Variants in MAD1L1 observed in about 807,000 individuals in gnomAD.
MAD1L1 encodes the protein mitotic spindle assembly checkpoint protein MAD1.
A neutral mutation model predicts 96.9 loss-of-function variants in MAD1L1; 95 were observed. The observed-to-expected ratio is 0.98, with a 90% confidence interval of 0.83 to 1.16. The LOEUF (loss-of-function observed/expected upper bound fraction) is 1.16. MAD1L1 is among the 50% of genes most tolerant of loss of function. The pLI, the probability that MAD1L1 is intolerant of heterozygous loss-of-function variation, is 0.00. For synonymous variants in MAD1L1, 473 were observed against 396.6 expected (o/e 1.19, Z -2.29); for missense variants, 1,007 against 954.4 (o/e 1.06, Z -0.73).
intron 11 of MAD1L1, among the ~76,000 whole-genome samples, chr7:2,112,371 C>A (rs1254355462): frequency 2.6e-5 from 4 of 152,084 alleles, no homozygotes; most frequent in African/African-American, 4.8e-5. Context: ...CCTAAGGGAA[C>A]CACAAACAAA....
chr7:1,900,830 G>A (rs1036964540), intron 17 of MAD1L1, among the ~76,000 whole-genome samples: 2 of 152,206 alleles, frequency 1.3e-5, no homozygotes. Flanking sequence ...TGCCTGTGCC[G>A]CTCACAGACC....
At chr7:2,011,096 G>A (rs947034181) in intron 13 of MAD1L1, among the ~76,000 whole-genome samples, 1 of 152,164 alleles carries the variant, frequency 6.6e-6, no homozygotes, top group Non-Finnish European at 1.5e-5. Flanking sequence ...GGCTCTGTGG[G>A]GTCAGGAGCC....
chr7:1,942,177 G>C (rs760417963), intron 16 of MAD1L1, among the ~76,000 whole-genome samples: 2 of 152,202 alleles, frequency 1.3e-5, no homozygotes, highest in Non-Finnish European at 2.9e-5. Flanking sequence ...GTGAATACAG[G>C]GGTGGAGCTG....
chr7:1,827,079 G>A (rs1465257533), intron 18 of MAD1L1, among the ~76,000 whole-genome samples: 2 of 152,196 alleles, frequency 1.3e-5, no homozygotes, highest in African/African-American at 2.4e-5. Context: ...GAGTGGGGGC[G>A]CCGGCTCGGG....
intron 18 of MAD1L1, among the ~76,000 whole-genome samples, chr7:1,878,697 C>T (rs1785512923): frequency 6.6e-6 from 1 of 150,794 alleles, no homozygotes; most frequent in Non-Finnish European, 1.5e-5. Flanking sequence ...ATACTGGATG[C>T]TTTCTCGCTA....
chr7:1,845,951 G>C (rs1221622860), intron 18 of MAD1L1: 1 of 152,836 alleles, frequency 6.5e-6, no homozygotes, highest in East Asian at 1.9e-4. Context: ...CCCAAGGGAG[G>C]GGAGGTGCTC....
chr7:2,228,013 G>A (rs1239276956), intron 3 of MAD1L1, among the ~76,000 whole-genome samples: 23 of 148,676 alleles, frequency 1.5e-4, no homozygotes, highest in Non-Finnish European at 1.5e-5. Context: ...TGCCACGCCG[G>A]GGGCTCAGCA....
intron 10 of MAD1L1, among the ~76,000 whole-genome samples, chr7:2,207,436 G>A (rs1792657534): frequency 6.6e-6 from 1 of 152,182 alleles, no homozygotes; most frequent in Admixed American, 6.5e-5. Flanking sequence ...TCCTAGGAGG[G>A]GAGAGGGGCC....
intron 10 of MAD1L1, among the ~76,000 whole-genome samples, chr7:2,204,290 G>T (rs1414184813): frequency 6.6e-6 from 1 of 152,162 alleles, no homozygotes; most frequent in Non-Finnish European, 1.5e-5. Flanking sequence ...TCCCCTCACA[G>T]CTAATCCGAA....
In MAD1L1 at chr7:1,851,182, G is replaced by A. The variant is rs1028557409; in HGVS notation, c.1999-34954C>T. On this transcript the variant is annotated intron_variant, in intron 18 of 18. Coordinates refer to ENST00000265854, the MANE Select transcript of MAD1L1 (RefSeq NM_001013836.2). ...GCGGCAACCCTGTGGGGTGACCCAT[G>A]CCCAGACCAGAGCGGGCGGCAGGAG... Among the ~76,000 whole-genome samples, 9 of 152,312 alleles carry A rather than the reference G, an allele frequency of 5.9e-5. No homozygotes were observed. The East Asian group carries it at 1.7e-3, about 29-fold the overall frequency.
At chr7:1,853,472 C>T (rs1244810210) in intron 18 of MAD1L1, among the ~76,000 whole-genome samples, 1 of 152,192 alleles carries the variant, frequency 6.6e-6, no homozygotes, top group African/African-American at 2.4e-5. Flanking sequence ...CAGTGACAGA[C>T]AGAAGCAGGT....
intron 18 of MAD1L1, among the ~76,000 whole-genome samples, chr7:1,860,152 C>G (rs1279035895): frequency 1.5e-5 from 2 of 134,288 alleles, no homozygotes; most frequent in Admixed American, 7.5e-5. Flanking sequence ...CGGCCTCTGT[C>G]TCCCTAGATG....
chr7:1,907,030 G>A (rs1787678124), intron 17 of MAD1L1, among the ~76,000 whole-genome samples: 1 of 149,834 alleles, frequency 6.7e-6, no homozygotes, highest in African/African-American at 2.4e-5. Context: ...CCGCCCCCAA[G>A]CCCCCAACCC....
intron 14 of MAD1L1, among the ~76,000 whole-genome samples, chr7:1,998,499 T>G (rs891368100): frequency 6.6e-6 from 1 of 152,142 alleles, no homozygotes; most frequent in African/African-American, 2.4e-5. Flanking sequence ...CCCAGGCACG[T>G]TTCAATTCAG....
chr7:2,005,977 G>A (rs544129800), intron 13 of MAD1L1, among the ~76,000 whole-genome samples: 28 of 152,202 alleles, frequency 1.8e-4, no homozygotes, highest in African/African-American at 5.1e-4. Context: ...CAGAGGGGCC[G>A]GAATTCCAGG....
chr7:2,155,479 C>A (rs1005825795), intron 10 of MAD1L1, among the ~76,000 whole-genome samples: 2 of 152,206 alleles, frequency 1.3e-5, no homozygotes, highest in Admixed American at 1.3e-4. Flanking sequence ...CACAGCCCCT[C>A]TGCTCCCAGC....
rs949645246 is a variant in MAD1L1 at position 2,146,400 on chromosome 7, G to A, written c.1073+2752C>T. ...GCAACGCCTCGAAGAGGGAGCACCG[G>A]GCACTGGGCTACGAGGAACAGGGCA... On this transcript the variant is annotated intron_variant, in intron 11 of 18. Coordinates refer to ENST00000265854, the MANE Select transcript of MAD1L1 (RefSeq NM_001013836.2). This position sits in a 1 kb window ranked among gnomAD's most constrained non-coding sequence, Gnocchi z 6.2. 6.6e-6 allele frequency among the ~76,000 whole-genome samples: 1 copy of A among 152,128 alleles called. No homozygotes were observed. Among genetic ancestry groups the A allele is most frequent in the African/African-American group, 2.4e-5 (1 of 41,418 alleles).
intron 18 of MAD1L1, among the ~76,000 whole-genome samples, chr7:1,866,661 C>T (rs1784793822): frequency 6.6e-6 from 1 of 152,176 alleles, no homozygotes; most frequent in Non-Finnish European, 1.5e-5. Flanking sequence ...GCCGGCCAGC[C>T]CCAGAGCAGT....
intron 11 of MAD1L1, among the ~76,000 whole-genome samples, chr7:2,077,074 A>G (rs527613964): frequency 6.6e-6 from 1 of 150,852 alleles, no homozygotes; most frequent in Non-Finnish European, 1.5e-5. Flanking sequence ...TGAGCCCAAG[A>G]CAGAGTTACG....
Sources: gnomAD v4.1 joint callset for allele counts (sites outside exome capture counted in the v4.1 genomes callset) on GRCh38, gnomAD v4.1.1 for gene constraint, Gnocchi (gnomAD v3.1) non-coding constraint, MANE v1.5 for transcripts, NCBI Gene and HGNC (gene_info 2026-07-23, HGNC 2026-07-21) for gene names.